Variants in F9 observed in about 807,000 individuals in gnomAD.
F9 encodes coagulation factor IX.
In F9, 2 loss-of-function variants were observed where a neutral mutation model predicts 34.1. The observed-to-expected ratio is 0.06, with a 90% CI of 0.02 to 0.18. F9 has a LOEUF of 0.18. Ranked by LOEUF, F9 falls within the 10% of genes least tolerant of loss-of-function variation. The pLI is 1.00. For missense variants in F9, 216 were observed against 345.1 expected (o/e 0.63, Z 2.96); for synonymous variants, 137 against 118.8 (o/e 1.15, Z -1.00).
chrX:139,548,461 G>T lies in F9; in HGVS notation c.490G>T (p.Ala164Ser). The change falls in exon 5 of 8, where the codon GCA becomes TCA. Residue 164 changes from alanine (A) to serine (S), a missense_variant. Physicochemically the swap from Ala to Ser is moderately conservative, Grantham distance 99. Around this residue, in one of 2 missense-constraint regions of F9, gnomAD observed 177 missense variants for 311.8 expected, o/e 0.57. Coordinates refer to ENST00000218099, the MANE Select transcript of F9 (RefSeq NM_000133.4). ...CTCCTGTACTGAGGGATATCGACTT[G>T]CAGAAAACCAGAAGTCCTGTGAACC... ...VCSCTEGYRL[A>S]ENQKSCEPAV... 8.3e-7 allele frequency: 1 copy of T among 1,210,171 alleles called. No individual in the cohort carries two copies. Among genetic ancestry groups the T allele is most frequent in the Non-Finnish European group, 1.1e-6 (1 of 894,570 alleles).
At chrX:139,536,937 T>G (rs1271939515) in intron 1 of F9, 73 bp from the exon 2 acceptor site, 2 of 1,042,109 alleles carry the variant, frequency 1.9e-6, no homozygotes, top group Middle Eastern at 3.6e-4. Flanking sequence ...ACAAAGACTT[T>G]CTTAAGAGAT....
Position 139,555,528 on chromosome X carries a change from C to G in F9, c.723+4264C>G, listed in dbSNP as rs571498372. 6.2e-5 allele frequency among the ~76,000 whole-genome samples: 7 copies of G among 112,722 alleles called. No individual in the cohort carries two copies. The South Asian group carries it at 2.5e-3, about 41-fold the overall frequency. On this transcript the variant is annotated intron_variant, in intron 6 of 7. Coordinates refer to ENST00000218099, the MANE Select transcript of F9 (RefSeq NM_000133.4). Reference sequence around the variant, plus strand: ...TACCTCCTAAAGCCAAAGGCACTGGCGGGCCGGGCCAGCTTCTAAAGTCGC... The same window carrying G: ...TACCTCCTAAAGCCAAAGGCACTGGGGGGCCGGGCCAGCTTCTAAAGTCGC...
intron 3 of F9, among the ~76,000 whole-genome samples, chrX:139,538,002 TG>T (rs1927523813): frequency 9.0e-6 from 1 of 111,700 alleles, no homozygotes; most frequent in Admixed American, 9.5e-5. Flanking sequence ...ACCATCTTAA[TG>T]AGGCCTACCT....
At chrX:139,553,152 C>T (rs915265932) in intron 6 of F9, among the ~76,000 whole-genome samples, 1 of 111,752 alleles carries the variant, frequency 8.9e-6, no homozygotes, top group Non-Finnish European at 1.9e-5. Context: ...GATCTTATAA[C>T]TCATAAATGG....
intron 1 of F9, among the ~76,000 whole-genome samples, chrX:139,534,623 G>A (rs1354875689): frequency 8.9e-6 from 1 of 112,290 alleles, no homozygotes; most frequent in East Asian, 2.8e-4. Context: ...CATTTACATT[G>A]TATTAGCTAT....
intron 6 of F9, 129 bp downstream of exon 6, chrX:139,551,393 T>C: frequency 1.7e-6 from 1 of 598,258 alleles, no homozygotes; most frequent in Non-Finnish European, 2.8e-6. Context: ...GTTTCAGCAC[T>C]AACCAATGTG....
At chrX:139,536,216 C>CATATATATGTATACACATATATGT (rs1927464749) in intron 1 of F9, among the ~76,000 whole-genome samples, 1 of 89,257 alleles carries the variant, frequency 1.1e-5, no homozygotes, top group Non-Finnish European at 2.3e-5. Context: ...TATACACACA[C>CATATATATGTATACACATATATGT]ATATATATGT....
At position 139,537,512 on chromosome X, in the gene F9, C is replaced by T. The variant is rs186259903; in HGVS notation, c.277+126C>T. On this transcript the variant is annotated intron_variant, in intron 3 of 7. Transcript: ENST00000218099. ...AGGACTCAGAAAGATCAGTCCAACCCTCTAACCCATATTGAATGGTGATAT... is the reference window on the plus strand; with the variant it reads ...AGGACTCAGAAAGATCAGTCCAACCTTCTAACCCATATTGAATGGTGATAT... 91 of 546,101 alleles carry T rather than the reference C, an allele frequency of 1.7e-4. 1 individual carries two copies. In the East Asian group the frequency reaches 3.0e-3, roughly 18 times the overall value. 45.0% of individuals were successfully genotyped at this position (546,101 alleles called of 1,213,427 possible). A position where few individuals can be genotyped will look rare whatever the true frequency, so the allele number is the denominator to read the frequency against.
intron 5 of F9, 49 bp from the exon 6 acceptor site, chrX:139,551,013 T>C: frequency 9.0e-7 from 1 of 1,113,346 alleles, no homozygotes; most frequent in African/African-American, 1.8e-5. Context: ...ACATGTTCCA[T>C]TTGCCAATGA....
intron 4 of F9, among the ~76,000 whole-genome samples, chrX:139,545,828 C>A (rs1431067463): frequency 9.0e-6 from 1 of 110,992 alleles, no homozygotes; most frequent in Non-Finnish European, 1.9e-5. Context: ...TTACAGGACC[C>A]TATTTCATTC....
intron 2 of F9, 46 bp from the exon 3 acceptor site, chrX:139,537,316 A>T: frequency 8.7e-7 from 1 of 1,145,878 alleles, no homozygotes; most frequent in Non-Finnish European, 1.2e-6. Flanking sequence ...CAATACCAAA[A>T]CACTTTAGAT....
intron 5 of F9, 93 bp from the exon 6 acceptor site, chrX:139,550,969 G>T: frequency 1.3e-6 from 1 of 759,064 alleles, no homozygotes. Context: ...TCTCAGAAGT[G>T]ACAAGGATGG....
At chrX:139,551,401 G>A in intron 6 of F9, 137 bp downstream of exon 6, 1 of 559,463 alleles carries the variant, frequency 1.8e-6, no homozygotes, top group South Asian at 2.5e-5. Context: ...ACTAACCAAT[G>A]TGAGAAGGCC....
intron 1 of F9, among the ~76,000 whole-genome samples, chrX:139,531,638 A>G (rs1392639517): frequency 1.8e-5 from 2 of 112,398 alleles, no homozygotes; most frequent in African/African-American, 6.5e-5. Context: ...TATTTCCCAG[A>G]GGAAGGCATA....
intron 6 of F9, among the ~76,000 whole-genome samples, chrX:139,556,459 G>T (rs1927969852): frequency 9.0e-6 from 1 of 111,688 alleles, no homozygotes; most frequent in South Asian, 3.8e-4. Flanking sequence ...AATCCTTTCT[G>T]TTCGATTAGG....
chrX:139,551,197 A>G lies in F9; in HGVS notation c.656A>G (p.Gln219Arg). Reference sequence around the variant, plus strand: ...TTGGATAACATCACTCAAAGCACCCAATCATTTAATGACTTCACTCGGGTT... The same window carrying G: ...TTGGATAACATCACTCAAAGCACCCGATCATTTAATGACTTCACTCGGGTT... ...TILDNITQST[Q>R]SFNDFTRVVG... Residue 219 changes from glutamine to arginine, a missense_variant, in exon 6 of 8, where the codon CAA (glutamine) becomes CGA (arginine). Around this residue, in one of 2 missense-constraint regions of F9, gnomAD observed 177 missense variants for 311.8 expected, o/e 0.57. Coordinates refer to ENST00000218099, the MANE Select transcript of F9 (RefSeq NM_000133.4). The G allele has an allele frequency of 8.3e-7, 1 of 1,211,408 alleles. No individual in the cohort carries two copies. Among genetic ancestry groups the G allele is most frequent in the East Asian group, 3.0e-5 (1 of 33,823 alleles).
chrX:139,553,373 T>A (rs181592530), intron 6 of F9, among the ~76,000 whole-genome samples: 116 of 111,919 alleles, frequency 1.0e-3, no homozygotes, highest in African/African-American at 3.6e-3. Flanking sequence ...GTATTTAATA[T>A]CCATGTATCT....
At chrX:139,538,868 T>C (rs1241727555) in intron 3 of F9, among the ~76,000 whole-genome samples, 2 of 111,173 alleles carry the variant, frequency 1.8e-5, no homozygotes, top group Admixed American at 9.6e-5. Flanking sequence ...TTGGGTCACA[T>C]AGGTACACTG....
chrX:139,532,589 G>A (rs141648853), intron 1 of F9, among the ~76,000 whole-genome samples: 15 of 111,413 alleles, frequency 1.3e-4, no homozygotes, highest in Non-Finnish European at 2.6e-4. Flanking sequence ...GCAGCATGAG[G>A]CCAGGTGAGA....
Sources: gnomAD v4.1 joint callset for allele counts (sites outside exome capture counted in the v4.1 genomes callset) on GRCh38, gnomAD v4.1.1 for gene constraint, gnomAD v4.1.1 regional missense constraint, MANE v1.5 for transcripts, NCBI Gene and HGNC (gene_info 2026-07-23, HGNC 2026-07-21) for gene names.